The following KHDRBS2 variants were observed in gnomAD, a reference collection of about 807,000 sequenced individuals.
KHDRBS2 encodes the protein KH RNA binding domain containing, signal transduction associated 2.
Under a neutral mutation model 44.3 loss-of-function variants are expected in KHDRBS2, and 26 were observed. The observed-to-expected ratio is 0.59, with a 90% CI of 0.43 to 0.81. The LOEUF (loss-of-function observed/expected upper bound fraction) is 0.81. KHDRBS2 is among the 40% of genes least tolerant of loss of function. The probability of loss-of-function intolerance (pLI) is 0.00; values close to 1 mark genes in which losing one functional copy is unlikely to be tolerated. For synonymous variants in KHDRBS2, 194 were observed against 151.1 expected, an observed-to-expected ratio of 1.28 and a Z score of -2.08; for missense variants, 476 against 433.1, an observed-to-expected ratio of 1.10 and a Z score of -0.88.
intron 3 of KHDRBS2, among the ~76,000 whole-genome samples, chr6:61,999,955 T>TA (rs1777922406): frequency 6.6e-6 from 1 of 152,156 alleles, no homozygotes; most frequent in African/African-American, 2.4e-5. Context: ...CCCACTACTA[T>TA]AATAGCAAAA....
intron 1 of KHDRBS2, among the ~76,000 whole-genome samples, chr6:62,203,152 A>G (rs1585188545): frequency 6.6e-6 from 1 of 152,254 alleles, no homozygotes; most frequent in East Asian, 1.9e-4. Flanking sequence ...GGTATCCAGG[A>G]AAAACATCTT....
intron 6 of KHDRBS2, among the ~76,000 whole-genome samples, chr6:61,781,473 A>G (rs1782914963): frequency 6.6e-6 from 1 of 152,204 alleles, no homozygotes; most frequent in Admixed American, 6.5e-5. Flanking sequence ...CTATGATTCA[A>G]GAGAAGCAAA....
intron 6 of KHDRBS2, among the ~76,000 whole-genome samples, chr6:61,799,594 G>A (rs776322980): frequency 2.6e-5 from 4 of 151,698 alleles, no homozygotes; most frequent in African/African-American, 7.3e-5. Context: ...CTAGAGTTCC[G>A]CAAATAAATC....
the KHDRBS2 span, among the ~76,000 whole-genome samples, chr6:61,596,209 C>T: frequency 6.6e-6 from 1 of 152,038 alleles, no homozygotes; most frequent in East Asian, 1.9e-4. Context: ...AGCAGGCAGC[C>T]CTTACAGCTT....
the KHDRBS2 span, among the ~76,000 whole-genome samples, chr6:61,610,850 A>T: frequency 5.9e-5 from 9 of 152,360 alleles, no homozygotes; most frequent in Non-Finnish European, 5.9e-5. Flanking sequence ...TTGTGAACAC[A>T]TTTTAAATCC....
intron 6 of KHDRBS2, among the ~76,000 whole-genome samples, chr6:61,822,867 A>G (rs1390371257): frequency 6.6e-6 from 1 of 151,980 alleles, no homozygotes; most frequent in African/African-American, 2.4e-5. Context: ...CTCTGTACCC[A>G]TGATAAGTCA....
intron 8 of KHDRBS2, among the ~76,000 whole-genome samples, chr6:61,695,914 A>G (rs1003320061): frequency 5.3e-5 from 8 of 152,092 alleles, no homozygotes; most frequent in African/African-American, 1.9e-4. Flanking sequence ...AGCAATAACC[A>G]TTGTTTCCTT....
At chr6:61,947,442 G>A (rs1813596123) in intron 4 of KHDRBS2, among the ~76,000 whole-genome samples, 1 of 152,136 alleles carries the variant, frequency 6.6e-6, no homozygotes, top group South Asian at 2.1e-4. Context: ...CTAAATATTT[G>A]TAGGATTAAG....
At chr6:62,038,193 T>G (rs994872809) in intron 3 of KHDRBS2, among the ~76,000 whole-genome samples, 1 of 152,074 alleles carries the variant, frequency 6.6e-6, no homozygotes, top group Non-Finnish European at 1.5e-5. Context: ...ATGTAAATTT[T>G]TATTTGTATC....
the KHDRBS2 span, among the ~76,000 whole-genome samples, chr6:61,663,402 A>G: frequency 6.8e-6 from 1 of 146,990 alleles, no homozygotes; most frequent in Non-Finnish European, 1.5e-5. Flanking sequence ...AAGTATAATA[A>G]TAATAAAATT....
chr6:61,754,137 T>C (rs1778140406), intron 6 of KHDRBS2, among the ~76,000 whole-genome samples: 1 of 152,148 alleles, frequency 6.6e-6, no homozygotes, highest in Non-Finnish European at 1.5e-5. Flanking sequence ...AAATGTGTGG[T>C]AGTTTGTTAC....
chr6:61,714,130 T>C (rs960710074), intron 7 of KHDRBS2, among the ~76,000 whole-genome samples: 8 of 151,868 alleles, frequency 5.3e-5, no homozygotes, highest in African/African-American at 1.7e-4. Flanking sequence ...GGAGAAAATA[T>C]TTTAAAACTA....
chr6:61,558,807 AT>A, the KHDRBS2 span, among the ~76,000 whole-genome samples: 1 of 152,064 alleles, frequency 6.6e-6, no homozygotes, highest in Non-Finnish European at 1.5e-5. Flanking sequence ...TTATTTTTGA[AT>A]TGTTTAAGGC....
At chr6:62,133,474 C>G (rs988203284) in intron 2 of KHDRBS2, among the ~76,000 whole-genome samples, 4 of 152,192 alleles carry the variant, frequency 2.6e-5, no homozygotes, top group Non-Finnish European at 4.4e-5. Flanking sequence ...CATTAAACCT[C>G]TTTTCCTTTA....
chr6:61,980,095 A>G (rs1213433573), intron 3 of KHDRBS2, among the ~76,000 whole-genome samples: 1 of 151,938 alleles, frequency 6.6e-6, no homozygotes, highest in South Asian at 2.1e-4. Flanking sequence ...AATTGACCCT[A>G]CTCTCCTTGG....
At chr6:61,664,381 A>C in the KHDRBS2 span, among the ~76,000 whole-genome samples, 1 of 151,770 alleles carries the variant, frequency 6.6e-6, no homozygotes, top group South Asian at 2.1e-4. Flanking sequence ...TGGGAAAATT[A>C]GTTAACAATA....
At chr6:61,776,421 C>T (rs1782011423) in intron 6 of KHDRBS2, among the ~76,000 whole-genome samples, 2 of 151,812 alleles carry the variant, frequency 1.3e-5, no homozygotes, top group African/African-American at 4.8e-5. Flanking sequence ...CCAGAATCTA[C>T]AATGAACTCA....
chr6:61,553,041 T>A, the KHDRBS2 span, among the ~76,000 whole-genome samples: 1 of 152,198 alleles, frequency 6.6e-6, no homozygotes, highest in African/African-American at 2.4e-5. Flanking sequence ...GAGGACTCCC[T>A]CTCCTCAATG....
intron 4 of KHDRBS2, among the ~76,000 whole-genome samples, chr6:61,919,920 TC>T (rs1245872832): frequency 2.8e-5 from 1 of 35,564 alleles, no homozygotes; most frequent in Non-Finnish European, 5.2e-5. Context: ...ACTTTAGTAC[TC>T]TTTTTTTCCT....
Sources: gnomAD v4.1 joint callset for allele counts (sites outside exome capture counted in the v4.1 genomes callset) on GRCh38, gnomAD v4.1.1 for gene constraint, MANE v1.5 for transcripts, NCBI Gene and HGNC (gene_info 2026-07-23, HGNC 2026-07-21) for gene names.